DHRSX: variants seen among roughly 807,000 people sequenced by gnomAD.
DHRSX encodes dehydrogenase/reductase X-linked, also known as polyprenol dehydrogenase.
A neutral mutation model predicts 34.0 loss-of-function variants in DHRSX; 31 were observed. The observed-to-expected ratio is 0.91, with a 90% confidence interval of 0.69 to 1.23. DHRSX has a LOEUF of 1.23. Ranked by LOEUF, DHRSX falls within the 50% of genes most tolerant of loss-of-function variation. The probability of loss-of-function intolerance (pLI) is 0.00; values close to 1 mark genes in which losing one functional copy is unlikely to be tolerated. For synonymous variants in DHRSX, 201 were observed against 183.8 expected (o/e 1.09, Z -0.76); for missense variants, 414 against 428.1 (o/e 0.97, Z 0.29).
chrX:2,479,044 A>C (rs1189337146), intron 1 of DHRSX, among the ~76,000 whole-genome samples: 1 of 152,130 alleles, frequency 6.6e-6, no homozygotes, highest in Non-Finnish European at 1.5e-5. Flanking sequence ...CATGTAGCCC[A>C]AGGGACCACC....
intron 4 of DHRSX, among the ~76,000 whole-genome samples, chrX:2,274,406 C>T (rs1189360458): frequency 6.0e-5 from 9 of 150,918 alleles, no homozygotes; most frequent in South Asian, 2.1e-4. Flanking sequence ...GCAGTGTGTC[C>T]GTATTTTATT....
At chrX:2,224,584 T>C (rs1056708222) in intron 6 of DHRSX, among the ~76,000 whole-genome samples, 3 of 152,164 alleles carry the variant, frequency 2.0e-5, no homozygotes, top group South Asian at 2.1e-4. Context: ...TTCTATTGGA[T>C]GATTTTTTTT....
intron 1 of DHRSX, chrX:2,489,508 G>A: frequency 6.2e-7 from 1 of 1,613,318 alleles, no homozygotes; most frequent in South Asian, 1.1e-5. Flanking sequence ...CCACCTGCTT[G>A]AAGGGCTGCA....
chrX:2,372,677 C>T, intron 3 of DHRSX, among the ~76,000 whole-genome samples: 1 of 151,442 alleles, frequency 6.6e-6, no homozygotes, highest in East Asian at 1.9e-4. Flanking sequence ...GGCGCAACCT[C>T]GGCTCACTGC....
intron 6 of DHRSX, among the ~76,000 whole-genome samples, chrX:2,241,510 C>A (rs370042702): frequency 6.6e-6 from 1 of 152,048 alleles, no homozygotes. Context: ...ACCCACATCG[C>A]GGAGGAAAGA....
chrX:2,275,612 C>A (rs998790114), intron 4 of DHRSX, among the ~76,000 whole-genome samples: 1 of 151,848 alleles, frequency 6.6e-6, no homozygotes, highest in Non-Finnish European at 1.5e-5. Flanking sequence ...CACATCTGCA[C>A]CCCTAAGCCC....
chrX:2,300,658 C>T (rs1465404961), intron 3 of DHRSX, among the ~76,000 whole-genome samples: 1 of 152,208 alleles, frequency 6.6e-6, no homozygotes, highest in Non-Finnish European at 1.5e-5. Context: ...AAAAATTGGA[C>T]TCCAAGTTCT....
At chrX:2,449,383 T>C (rs1022273400) in intron 1 of DHRSX, among the ~76,000 whole-genome samples, 3 of 152,170 alleles carry the variant, frequency 2.0e-5, no homozygotes, top group African/African-American at 7.2e-5. Context: ...CCTGAGTACA[T>C]GCAAGGTGCA....
intron 5 of DHRSX, among the ~76,000 whole-genome samples, chrX:2,259,384 A>ATG (rs1371420871): frequency 1.5e-5 from 1 of 66,708 alleles, no homozygotes; most frequent in Non-Finnish European, 3.4e-5. Flanking sequence ...AGATATATAT[A>ATG]TAGATATATA....
At chrX:2,359,405 C>A (rs1465285605) in intron 3 of DHRSX, among the ~76,000 whole-genome samples, 1 of 152,140 alleles carries the variant, frequency 6.6e-6, no homozygotes, top group Non-Finnish European at 1.5e-5. Flanking sequence ...AGGCCAGGTG[C>A]GGTGGCTCAC....
chrX:2,330,465 G>A (rs913301456), intron 3 of DHRSX, among the ~76,000 whole-genome samples: 1 of 149,474 alleles, frequency 6.7e-6, no homozygotes, highest in African/African-American at 2.5e-5. Flanking sequence ...AGGTTGCAGT[G>A]AGCTGAGATC....
chrX:2,497,257 G>C (rs1206758597), intron 1 of DHRSX, among the ~76,000 whole-genome samples: 2 of 152,164 alleles, frequency 1.3e-5, no homozygotes, highest in Non-Finnish European at 2.9e-5. Flanking sequence ...GCCAGGCATG[G>C]TGGCACATGC....
intron 3 of DHRSX, among the ~76,000 whole-genome samples, chrX:2,336,206 C>T (rs2042560088): frequency 6.6e-6 from 1 of 151,928 alleles, no homozygotes; most frequent in African/African-American, 2.4e-5. Context: ...GACGGGGTTT[C>T]ACCCTGTTGC....
At chrX:2,242,965 C>G in intron 6 of DHRSX, 58 bp downstream of exon 6, 3 of 1,557,218 alleles carry the variant, frequency 1.9e-6, no homozygotes, top group Non-Finnish European at 2.6e-6. Flanking sequence ...ACTGGGGACC[C>G]CCTTTCCTGT....
intron 3 of DHRSX, among the ~76,000 whole-genome samples, chrX:2,390,086 T>C (rs2043317318): frequency 6.6e-6 from 1 of 151,728 alleles, no homozygotes; most frequent in South Asian, 2.1e-4. Context: ...CGGCCTCATT[T>C]TTAAAATAAT....
At chrX:2,479,596 C>T (rs1270599509) in intron 1 of DHRSX, among the ~76,000 whole-genome samples, 9 of 149,200 alleles carry the variant, frequency 6.0e-5, no homozygotes, top group African/African-American at 1.7e-4. Context: ...GCACTTAAGA[C>T]GTTCCCTAAG....
intron 3 of DHRSX, among the ~76,000 whole-genome samples, chrX:2,370,962 C>T (rs1262907223): frequency 6.6e-6 from 1 of 152,134 alleles, no homozygotes; most frequent in Non-Finnish European, 1.5e-5. Context: ...GCATCACGTG[C>T]CTGTCCCTAG....
intron 4 of DHRSX, among the ~76,000 whole-genome samples, chrX:2,290,306 A>G (rs1159610368): frequency 6.6e-6 from 1 of 152,204 alleles, no homozygotes; most frequent in Non-Finnish European, 1.5e-5. Flanking sequence ...AAAAAAAATT[A>G]GATAGAAGCT....
chrX:2,311,200 GAGAC>G (rs1407733700), intron 3 of DHRSX, among the ~76,000 whole-genome samples: 2 of 151,432 alleles, frequency 1.3e-5, no homozygotes, highest in African/African-American at 4.9e-5. Context: ...TAGAATGAGA[GAGAC>G]AGAGGTTGTG....
Sources: gnomAD v4.1 joint callset for allele counts (sites outside exome capture counted in the v4.1 genomes callset) on GRCh38, gnomAD v4.1.1 for gene constraint, MANE v1.5 for transcripts, NCBI Gene and HGNC (gene_info 2026-07-23, HGNC 2026-07-21) for gene names.